Variants in MACROD2 observed in about 807,000 individuals in gnomAD.
The protein encoded by MACROD2 is mono-ADP ribosylhydrolase 2.
In MACROD2, 36 loss-of-function variants were observed where a neutral mutation model predicts 70.4. The observed-to-expected ratio is 0.51, with a 90% CI of 0.39 to 0.68. The LOEUF (loss-of-function observed/expected upper bound fraction) is 0.68, where lower values mean the gene tolerates loss of function less well. Ranked by LOEUF, MACROD2 falls within the 30% of genes least tolerant of loss-of-function variation. The pLI is 0.00. For missense variants in MACROD2, 496 were observed against 538.4 expected (o/e 0.92, Z 0.78); for synonymous variants, 172 against 178.8 (o/e 0.96, Z 0.30).
At chr20:14,472,640 C>A (rs1418616901) in intron 3 of MACROD2, among the ~76,000 whole-genome samples, 1 of 152,128 alleles carries the variant, frequency 6.6e-6, no homozygotes, top group Admixed American at 6.5e-5. Flanking sequence ...AGCTTGTGTT[C>A]ATACTTGGAC....
At chr20:14,761,823 C>G (rs2123754318) in intron 5 of MACROD2, among the ~76,000 whole-genome samples, 1 of 152,234 alleles carries the variant, frequency 6.6e-6, no homozygotes, top group African/African-American at 2.4e-5. Flanking sequence ...CCTAGGAGCT[C>G]CTTACTTTGC....
intron 3 of MACROD2, among the ~76,000 whole-genome samples, chr20:14,148,781 G>C (rs893942258): frequency 6.6e-6 from 1 of 152,104 alleles, no homozygotes; most frequent in Non-Finnish European, 1.5e-5. Flanking sequence ...CTGAACTGTG[G>C]ATAGAGATGC....
chr20:15,056,527 G>A (rs2123067117), intron 5 of MACROD2, among the ~76,000 whole-genome samples: 1 of 152,230 alleles, frequency 6.6e-6, no homozygotes, highest in East Asian at 1.9e-4. Context: ...CAGCTGTTAG[G>A]TGAAGCCCTT....
chr20:14,690,106 A>G (rs572735649), intron 5 of MACROD2, among the ~76,000 whole-genome samples: 3 of 152,158 alleles, frequency 2.0e-5, no homozygotes, highest in Non-Finnish European at 2.9e-5. Context: ...TAAAGAAACC[A>G]TATCACCCTT....
At chr20:15,395,594 G>T (rs912148785) in intron 6 of MACROD2, among the ~76,000 whole-genome samples, 5 of 152,148 alleles carry the variant, frequency 3.3e-5, no homozygotes, top group Non-Finnish European at 5.9e-5. Context: ...GTACATAAAT[G>T]AATGAGCCTG....
chr20:14,714,306 A>G (rs1372734097), intron 5 of MACROD2, among the ~76,000 whole-genome samples: 1 of 152,082 alleles, frequency 6.6e-6, no homozygotes, highest in African/African-American at 2.4e-5. Context: ...AGAACCTACC[A>G]TGTGCACCTC....
intron 3 of MACROD2, among the ~76,000 whole-genome samples, chr20:14,146,138 C>G (rs1015439279): frequency 5.9e-5 from 9 of 151,970 alleles, no homozygotes; most frequent in African/African-American, 1.9e-4. Context: ...CTGGCTAACA[C>G]GGTGAAACCC....
At chr20:14,019,141 T>C (rs776062615) in intron 2 of MACROD2, among the ~76,000 whole-genome samples, 36 of 152,190 alleles carry the variant, frequency 2.4e-4, no homozygotes, top group Middle Eastern at 3.2e-3. Context: ...TGTTGCCTGC[T>C]GCCCAGATAG....
chr20:15,018,960 G>T (rs2075142907), intron 5 of MACROD2, among the ~76,000 whole-genome samples: 1 of 152,202 alleles, frequency 6.6e-6, no homozygotes, highest in South Asian at 2.1e-4. Context: ...CTGAGCAGAT[G>T]CTGGTGTCAT....
intron 8 of MACROD2, among the ~76,000 whole-genome samples, chr20:15,750,424 T>C (rs1483882540): frequency 6.6e-6 from 1 of 152,022 alleles, no homozygotes; most frequent in Admixed American, 6.6e-5. Flanking sequence ...CGAGAAAACG[T>C]AGTTTTCATA....
intron 3 of MACROD2, among the ~76,000 whole-genome samples, chr20:14,423,230 T>A (rs923007033): frequency 6.6e-6 from 1 of 152,210 alleles, no homozygotes; most frequent in East Asian, 1.9e-4. Flanking sequence ...CACAAAATTT[T>A]CTATTATTTC....
chr20:15,143,111 G>A lies in MACROD2; in HGVS notation c.419-86829G>A, dbSNP rs145982984. ...CACTGTCTTCCACAATGGTTGAACT[G>A]GTTTACAGTCCCACCAACAGTGTAA... On this transcript the variant is annotated intron_variant, in intron 5 of 17. Coordinates refer to ENST00000684519, the MANE Select transcript of MACROD2 (RefSeq NM_001351661.2). Among the ~76,000 whole-genome samples the A allele has an allele frequency of 2.3e-3, 355 of 152,216 alleles. 1 individual carries two copies. The highest frequency in any genetic ancestry group is 7.9e-3 in the African/African-American group (330 of 41,540).
chr20:15,766,160 C>A (rs1197308263), intron 8 of MACROD2, among the ~76,000 whole-genome samples: 1 of 152,098 alleles, frequency 6.6e-6, no homozygotes, highest in Non-Finnish European at 1.5e-5. Flanking sequence ...ACATTTCTAA[C>A]CTGGAGATTT....
intron 8 of MACROD2, among the ~76,000 whole-genome samples, chr20:15,774,261 G>T (rs147259651): frequency 6.6e-6 from 1 of 152,244 alleles, no homozygotes; most frequent in East Asian, 1.9e-4. Flanking sequence ...TTATAGGAAA[G>T]TAGCTATAAA....
intron 6 of MACROD2, among the ~76,000 whole-genome samples, chr20:15,234,329 G>T (rs754381634): frequency 6.6e-6 from 1 of 151,490 alleles, no homozygotes; most frequent in Non-Finnish European, 1.5e-5. Context: ...ACCGCGCCCG[G>T]CCTATATATA....
intron 4 of MACROD2, among the ~76,000 whole-genome samples, chr20:14,660,858 A>G (rs1986191831): frequency 6.6e-6 from 1 of 151,896 alleles, no homozygotes; most frequent in African/African-American, 2.4e-5. Context: ...AGTTGCATCC[A>G]TGTTGCTGCA....
chr20:14,052,583 C>A (rs2053582141), intron 2 of MACROD2, among the ~76,000 whole-genome samples: 1 of 151,984 alleles, frequency 6.6e-6, no homozygotes, highest in Admixed American at 6.6e-5. Flanking sequence ...CTGGAGCTCC[C>A]TAAGTCTTAA....
chr20:14,397,070 C>T (rs2083589625), intron 3 of MACROD2, among the ~76,000 whole-genome samples: 1 of 143,478 alleles, frequency 7.0e-6, no homozygotes, highest in Admixed American at 7.1e-5. Flanking sequence ...TCTCGGCTCA[C>T]TGCAAGCTCC....
chr20:14,852,022 G>T (rs984920867), intron 5 of MACROD2, among the ~76,000 whole-genome samples: 8 of 152,148 alleles, frequency 5.3e-5, no homozygotes, highest in African/African-American at 1.9e-4. Flanking sequence ...AGTCATGCAT[G>T]AAAGAGGAAA....
Sources: allele counts gnomAD v4.1 joint callset (sites outside exome capture counted in the v4.1 genomes callset), GRCh38; gene constraint gnomAD v4.1.1; transcripts MANE v1.5; gene names NCBI Gene and HGNC (gene_info 2026-07-23, HGNC 2026-07-21).